CENPF: variants seen among roughly 807,000 people sequenced by gnomAD.
The protein encoded by CENPF is centromere protein F, also known as AH antigen.
CENPF carries 214 observed loss-of-function variants against 307.3 expected under a neutral mutation model. That is an observed-to-expected ratio of 0.70 (90% CI 0.62 to 0.78). The LOEUF is 0.78. Among genes scored for constraint, CENPF ranks in the 30% least tolerant of loss-of-function variants. CENPF has a pLI of 0.00. For missense variants in CENPF, 3,401 were observed against 3,483.9 expected (o/e 0.98, Z 0.60); for synonymous variants, 1,259 against 1,270.6 (o/e 0.99, Z 0.19).
Position 214,642,093 on chromosome 1 carries a change from A to T in CENPF, c.3755A>T (p.Asp1252Val). The change falls in exon 12 of 20, where the codon GAC becomes GTC. Residue 1252 changes from aspartate to valine, a missense_variant. Physicochemically the swap from Asp to Val is radical, Grantham distance 152 (BLOSUM62 -3). Transcript: ENST00000366955. ...RGDLETSNLQ[D>V]MQSQEISGLK... ...GATCTTGAAACCAGCAATTTGCAAG[A>T]CATGCAGTCACAAGAAATTAGTGGC... is the stretch of plus-strand genomic sequence containing the variant. 2 of 1,612,024 alleles carry T rather than the reference A, an allele frequency of 1.2e-6. No individual in the cohort carries two copies. The highest frequency in any genetic ancestry group is 2.2e-5 in the South Asian group (2 of 90,554).
rs200540325 is a variant in CENPF, at chr1:214,644,674, C to T, written c.5104C>T (p.Leu1702Phe). The change falls in exon 13 of 20, where the codon CTC becomes TTC. Residue 1702 changes from leucine to phenylalanine, a missense_variant. Coordinates refer to ENST00000366955, the MANE Select transcript of CENPF (RefSeq NM_016343.4). The part of the protein sequence containing the change: ...QICDKDAQQD[L>F]NLDIEKITET... ...TTGTGATAAAGATGCTCAGCAGGAC[C>T]TCAATCTAGACATTGAGAAAATAAC... The T allele has an allele frequency of 6.2e-7, 1 of 1,614,010 alleles. No homozygotes were observed. The highest frequency in any genetic ancestry group is 2.2e-5 in the East Asian group (1 of 44,858).
rs549033456 is a variant in CENPF, at chr1:214,617,000, CTCTT to C, written c.360-1557_360-1554del. Among the ~76,000 whole-genome samples the C allele has an allele frequency of 2.3e-3, 299 of 128,720 alleles. 3 individuals are homozygous for C. Among genetic ancestry groups the C allele is most frequent in the African/African-American group, 6.8e-3 (237 of 34,630 alleles). 84.4% of individuals were successfully genotyped at this position (128,720 alleles called of 152,430 possible). On this transcript the variant is annotated intron_variant, in intron 3 of 19. Coordinates refer to ENST00000366955, the MANE Select transcript of CENPF (RefSeq NM_016343.4). Reference sequence around the variant, plus strand: ...TCCCTCCCTCCCTCTCTCTCTTTCTCTCTTTCTTTCTTTCTTTCTCTTTCTCTTT... The same window carrying C: ...TCCCTCCCTCCCTCTCTCTCTTTCTCTCTTTCTTTCTTTCTCTTTCTCTTT...
Position 214,663,986 on chromosome 1 carries a change from C to T in CENPF, c.*192C>T, listed in dbSNP as rs917928767. ...TGAAAAAGTTTGGAAGCACTGATCA[C>T]CTGTTAGCATTGCCATTCCTCTACT... On this transcript the variant is annotated 3_prime_UTR_variant, in exon 20 of 20. Coordinates refer to ENST00000366955, the MANE Select transcript of CENPF (RefSeq NM_016343.4). 1 of 568,642 alleles carries T rather than the reference C, an allele frequency of 1.8e-6. No homozygotes were observed. Among genetic ancestry groups the T allele is most frequent in the South Asian group, 2.4e-5 (1 of 41,566 alleles). 35.2% of individuals were successfully genotyped at this position (568,642 alleles called of 1,614,324 possible).
rs758134152 is a variant in CENPF, at chr1:214,630,579, T to A, written c.1240T>A (p.Cys414Ser). The A allele has an allele frequency of 2.9e-5, 46 of 1,613,784 alleles. No individual in the cohort carries two copies. Among genetic ancestry groups the A allele is most frequent in the Admixed American group, 3.3e-5 (2 of 59,978 alleles). ...TTCTTTCCAAACACTGGACCAGGAG[T>A]GCATCCAGATGAAGGCCAGACTCAC... ...QRSFQTLDQECIQMKARLTQE... is the reference protein window; with the variant it reads ...QRSFQTLDQESIQMKARLTQE... Residue 414 changes from cysteine (C) to serine (S), a missense_variant, in exon 9 of 20, where the codon TGC becomes AGC. By Grantham distance (112) the Cys-to-Ser change is moderately radical. Transcript: ENST00000366955.
intron 19 of CENPF, among the ~76,000 whole-genome samples, chr1:214,662,619 G>GT (rs1383191455): frequency 1.8e-4 from 28 of 152,242 alleles, no homozygotes; most frequent in Middle Eastern, 6.8e-3. Context: ...ACAGATCCTT[G>GT]TGTCCATTAT....
intron 10 of CENPF, among the ~76,000 whole-genome samples, chr1:214,633,530 G>A (rs1000997536): frequency 6.6e-6 from 1 of 152,182 alleles, no homozygotes; most frequent in African/African-American, 2.4e-5. Context: ...CACTTTTTAG[G>A]CTGTAAAGAT....
At chr1:214,657,805 G>A (rs1004572904) in intron 18 of CENPF, among the ~76,000 whole-genome samples, 6 of 152,160 alleles carry the variant, frequency 3.9e-5, no homozygotes, top group Admixed American at 6.5e-5. Flanking sequence ...ACTACACTTT[G>A]TTTTGTTTTT....
chr1:214,644,535 T>A (rs970846799), intron 12 of CENPF, 22 bp from the exon 13 acceptor site: 3 of 1,532,946 alleles, frequency 2.0e-6, no homozygotes, highest in Non-Finnish European at 2.6e-6. Flanking sequence ...AAATGCATGC[T>A]TGTTATGTAT....
At chr1:214,643,525 A>G (rs1658196210) in intron 12 of CENPF, among the ~76,000 whole-genome samples, 1 of 152,358 alleles carries the variant, frequency 6.6e-6, no homozygotes, top group East Asian at 1.9e-4. Flanking sequence ...ATAAATTTCT[A>G]TAGGGATTAG....
chr1:214,652,101 C>T (rs1407267162), intron 15 of CENPF, among the ~76,000 whole-genome samples: 1 of 132,376 alleles, frequency 7.6e-6, no homozygotes, highest in Non-Finnish European at 1.5e-5. Context: ...TGGGGTCTCT[C>T]TCTGTCGCAC....
chr1:214,606,495 G>A (rs1026841359), intron 1 of CENPF, among the ~76,000 whole-genome samples: 4 of 152,144 alleles, frequency 2.6e-5, no homozygotes, highest in Non-Finnish European at 5.9e-5. Flanking sequence ...CTGGTGCACT[G>A]GCCAGGACAG....
intron 1 of CENPF, among the ~76,000 whole-genome samples, chr1:214,610,998 C>T (rs148146235): frequency 1.4e-4 from 21 of 152,114 alleles, no homozygotes; most frequent in East Asian, 5.8e-4. Flanking sequence ...TGTAGGTGTG[C>T]GGCTTATTTC....
rs761341770 is a variant in CENPF, at chr1:214,642,915, T to C, written c.4577T>C (p.Val1526Ala). Reference sequence around the variant, plus strand: ...GCAAACCAGTGCAGTGTAGATGAAGTATTTTGCAGCAGTCTGCAGGAGGAG... The same window carrying C: ...GCAAACCAGTGCAGTGTAGATGAAGCATTTTGCAGCAGTCTGCAGGAGGAG... ...VSANQCSVDE[V>A]FCSSLQEENL... Residue 1526 changes from valine to alanine, a missense_variant, in exon 12 of 20, where the codon GTA (valine) becomes GCA (alanine). Transcript: ENST00000366955. 1 of 1,613,268 alleles carries C rather than the reference T, an allele frequency of 6.2e-7. No homozygotes were observed. Among genetic ancestry groups the C allele is most frequent in the East Asian group, 2.2e-5 (1 of 44,814 alleles).
At position 214,643,296 on chromosome 1, in the gene CENPF, G is replaced by A. The variant is rs1223818651; in HGVS notation, c.4958G>A (p.Arg1653Gln). 4.5e-5 allele frequency: 68 copies of A among 1,510,218 alleles called. No individual in the cohort carries two copies. The highest frequency in any genetic ancestry group is 1.8e-4 in the Middle Eastern group (1 of 5,620). The allele number at this position is 1,510,218 out of a possible 1,614,324, so 93.6% of individuals were successfully genotyped here. The stretch of plus-strand genomic sequence containing the variant: ...CTACAAGGTCTGGACTTAAGTTCTC[G>A]GTCTTTGCTTGGCATCGACACAGAA... ...LQLQGLDLSS[R>Q]SLLGIDTEDA... The change falls in exon 12 of 20, where the codon CGG (arginine) becomes CAG (glutamine). Residue 1653 changes from arginine to glutamine, a missense_variant. Arg to Gln is a conservative substitution (Grantham distance 43). Transcript: ENST00000366955.
intron 18 of CENPF, 65 bp from the exon 19 acceptor site, chr1:214,658,785 A>G (rs931616781): frequency 5.1e-5 from 77 of 1,506,386 alleles, no homozygotes; most frequent in Middle Eastern, 1.8e-4. Flanking sequence ...CACCTAATGA[A>G]TATCTTTTCC....
At chr1:214,633,992 G>A (rs1005117145) in intron 10 of CENPF, among the ~76,000 whole-genome samples, 4 of 152,212 alleles carry the variant, frequency 2.6e-5, no homozygotes, top group African/African-American at 9.6e-5. Flanking sequence ...CTGGTTAAGA[G>A]AGTCCAAACA....
rs778135960 is a variant in CENPF at position 214,645,595 on chromosome 1, G to C, written c.6025G>C (p.Val2009Leu). The C allele has an allele frequency of 7.7e-5, 125 of 1,614,048 alleles. No individual in the cohort carries two copies. The highest frequency in any genetic ancestry group is 1.8e-4 in the Admixed American group (11 of 59,990). Residue 2009 changes from valine (V) to leucine (L), a missense_variant, in exon 13 of 20, where the codon GTG becomes CTG. Coordinates refer to ENST00000366955, the MANE Select transcript of CENPF (RefSeq NM_016343.4). ...TTGCATTCAGGTGGCAGAGGCAGAG[G>C]TGAAGGAAAAGACGGAACTCCTTCA... ...LHCIQVAEAE[V>L]KEKTELLQTL...
intron 13 of CENPF, chr1:214,648,073 C>A: frequency 2.5e-6 from 1 of 404,246 alleles, no homozygotes; most frequent in Admixed American, 2.8e-5. Context: ...GATTTTGTCA[C>A]ACTTAATTCT....
chr1:214,608,871 G>A (rs1180637474), intron 1 of CENPF: 9 of 1,490,580 alleles, frequency 6.0e-6, no homozygotes, highest in Middle Eastern at 2.4e-4. Context: ...GGCCCCCACC[G>A]GGGCCCCAGC....
Sources: allele counts gnomAD v4.1 joint callset (sites outside exome capture counted in the v4.1 genomes callset), GRCh38; gene constraint gnomAD v4.1.1; transcripts MANE v1.5; gene names NCBI Gene and HGNC (gene_info 2026-07-23, HGNC 2026-07-21).